PCDHGA10: variants seen among roughly 807,000 people sequenced by gnomAD.
PCDHGA10 encodes the protein protocadherin gamma subfamily A, 10.
A neutral mutation model predicts 59.5 loss-of-function variants in PCDHGA10; 42 were observed. That is an observed-to-expected ratio of 0.71 (90% CI 0.55 to 0.91). The LOEUF is 0.91. PCDHGA10 is among the 40% of genes least tolerant of loss of function. PCDHGA10 has a pLI of 0.00. For missense variants in PCDHGA10, 1,111 were observed against 1,198.2 expected, an observed-to-expected ratio of 0.93 and a Z score of 1.07; for synonymous variants, 511 against 517.2, an observed-to-expected ratio of 0.99 and a Z score of 0.16.
At chr5:141,420,268 T>C (rs375162019) in intron 1 of PCDHGA10, 254 of 1,543,666 alleles carry the variant, frequency 1.6e-4, no homozygotes, top group Non-Finnish European at 2.1e-4. Context: ...AGAAGATTCT[T>C]AAACAGGTAA....
At chr5:141,473,966 G>A (rs1268822103) in intron 1 of PCDHGA10, among the ~76,000 whole-genome samples, 3 of 152,174 alleles carry the variant, frequency 2.0e-5, no homozygotes, top group Non-Finnish European at 4.4e-5. Context: ...CTACTTAGAA[G>A]TCTGAGGCGG....
chr5:141,451,284 G>A (rs950768919), intron 1 of PCDHGA10, among the ~76,000 whole-genome samples: 1 of 152,186 alleles, frequency 6.6e-6, no homozygotes. Context: ...GAGTGCCTCT[G>A]CCTCAAAGTC....
intron 1 of PCDHGA10, among the ~76,000 whole-genome samples, chr5:141,445,544 T>C (rs1223868698): frequency 6.6e-6 from 1 of 152,126 alleles, no homozygotes; most frequent in Non-Finnish European, 1.5e-5. Context: ...CAAGGAGAAA[T>C]ACAAAAGCAC....
chr5:141,511,010 A>G lies in PCDHGA10; in HGVS notation c.2648A>G (p.Tyr883Cys), dbSNP rs1286219897. 6.2e-6 allele frequency: 10 copies of G among 1,614,054 alleles called. No homozygotes were observed. Among genetic ancestry groups the G allele is most frequent in the African/African-American group, 1.3e-5 (1 of 74,916 alleles). Residue 883 changes from tyrosine to cysteine, a missense_variant, in exon 4 of 4, where the codon TAC becomes TGC. By Grantham distance (194) the Tyr-to-Cys change is radical (BLOSUM62 -2). Coordinates refer to ENST00000398610, the MANE Select transcript of PCDHGA10 (RefSeq NM_018913.3). ...GGCACCATGGGATTGAGCGCCCGCT[A>G]CGGACCCCAGTTCACCCTGCAGCAC... Reference protein sequence around the residue: ...GAGTMGLSARYGPQFTLQHVP... With the variant: ...GAGTMGLSARCGPQFTLQHVP...
rs1024686607 is a variant in PCDHGA10, at chr5:141,487,597, T to C, written c.2437-7210T>C. 6.2e-7 allele frequency: 1 copy of C among 1,614,178 alleles called. No homozygotes were observed. The highest frequency in any genetic ancestry group is 8.5e-7 in the Non-Finnish European group (1 of 1,180,040). ...TTCGCCCAAGCTGCCCACCCTCTGA[T>C]CTTCTCTATGGGCTAGAGGTGAGAC... On this transcript the variant is annotated intron_variant, in intron 1 of 3. Coordinates refer to ENST00000398610, the MANE Select transcript of PCDHGA10 (RefSeq NM_018913.3). The surrounding 1 kb of genome is among the most constrained non-coding windows in gnomAD (Gnocchi z 5.0).
rs372245447 is a variant in PCDHGA10, at chr5:141,489,609, C to T, written c.2437-5198C>T. ...AGCTAATCCGTGTAGAGGTAGAGAT[C>T]CTGGATCTCAATGACAACTCTCCTA... On this transcript the variant is annotated intron_variant, in intron 1 of 3. Coordinates refer to ENST00000398610, the MANE Select transcript of PCDHGA10 (RefSeq NM_018913.3). This position sits in a 1 kb window ranked among gnomAD's most constrained non-coding sequence, Gnocchi z 4.5. The T allele has an allele frequency of 1.9e-6, 3 of 1,613,934 alleles. No homozygotes were observed. The African/African-American group carries it at 4.0e-5, about 22-fold the overall frequency.
intron 1 of PCDHGA10, among the ~76,000 whole-genome samples, chr5:141,444,497 C>G (rs899746599): frequency 3.3e-5 from 5 of 152,026 alleles, no homozygotes; most frequent in African/African-American, 1.2e-4. Context: ...TTGTGTAATA[C>G]TTTGCTCTAG....
Position 141,413,559 on chromosome 5 carries a change from T to A in PCDHGA10, c.384T>A (p.Thr128=). 1 of 1,613,862 alleles carries A rather than the reference T, an allele frequency of 6.2e-7. No homozygotes were observed. The change falls in exon 1 of 4, where the codon ACT becomes ACA. Residue 128 remains threonine, a synonymous_variant. Coordinates refer to ENST00000398610, the MANE Select transcript of PCDHGA10 (RefSeq NM_018913.3). ...VKLFGIEIEV[T]DINDNAPKFQ... The stretch of plus-strand genomic sequence containing the variant: ...TTTTTGGGATAGAAATAGAAGTAAC[T>A]GATATCAATGACAATGCTCCAAAAT...
chr5:141,431,790 C>T lies in PCDHGA10; in HGVS notation c.2436+16179C>T, dbSNP rs2097417829. On this transcript the variant is annotated intron_variant, in intron 1 of 3. Transcript: ENST00000398610. This position sits in a 1 kb window ranked among gnomAD's most constrained non-coding sequence, Gnocchi z 4.8. The stretch of plus-strand genomic sequence containing the variant: ...ACTGTTCTGGACGTGAACGACAATG[C>T]CCCAGAAGTGGTCCTCACCTCTCTC... 4.3e-6 allele frequency: 7 copies of T among 1,614,186 alleles called. No individual in the cohort carries two copies. The highest frequency in any genetic ancestry group is 5.9e-6 in the Non-Finnish European group (7 of 1,180,016).
At chr5:141,458,318 A>T (rs1420197662) in intron 1 of PCDHGA10, among the ~76,000 whole-genome samples, 1 of 152,128 alleles carries the variant, frequency 6.6e-6, no homozygotes, top group Non-Finnish European at 1.5e-5. Context: ...ACACAGACAC[A>T]TGTGGAGTGG....
chr5:141,418,126 A>G (rs2096226975), intron 1 of PCDHGA10: 3 of 1,613,994 alleles, frequency 1.9e-6, no homozygotes, highest in Non-Finnish European at 2.5e-6. Context: ...TGAAGGACCG[A>G]ATAGACCGTG....
intron 1 of PCDHGA10, among the ~76,000 whole-genome samples, chr5:141,492,337 C>T (rs559700346): frequency 1.0e-3 from 158 of 152,324 alleles, no homozygotes; most frequent in African/African-American, 3.7e-3. Flanking sequence ...TACGCGAATA[C>T]CAGCTTTCAC....
rs2099702455 is a variant in PCDHGA10, at chr5:141,490,641, G to C, written c.2437-4166G>C. 6.2e-7 allele frequency: 1 copy of C among 1,614,042 alleles called. No homozygotes were observed. Among genetic ancestry groups the C allele is most frequent in the Admixed American group, 1.7e-5 (1 of 60,004 alleles). On this transcript the variant is annotated intron_variant, in intron 1 of 3. Coordinates refer to ENST00000398610, the MANE Select transcript of PCDHGA10 (RefSeq NM_018913.3). The surrounding 1 kb of genome is among the most constrained non-coding windows in gnomAD (Gnocchi z 5.4). ...ACACTGCTTACATCCTAGAAAACCG[G>C]CCTCCGGGCTCCCTTCTTTGCACTG...
In PCDHGA10 at chr5:141,476,432, G is replaced by T; in HGVS notation, c.2437-18375G>T. 6.2e-7 allele frequency: 1 copy of T among 1,614,116 alleles called. No individual in the cohort carries two copies. The highest frequency in any genetic ancestry group is 8.5e-7 in the Non-Finnish European group (1 of 1,180,028). ...GTGTGGGACACTGCCCTCTTGCACT[G>T]TAACTCTGGAGTTGGTAGTGGAGAA... On this transcript the variant is annotated intron_variant, in intron 1 of 3. Coordinates refer to ENST00000398610, the MANE Select transcript of PCDHGA10 (RefSeq NM_018913.3). The surrounding 1 kb of genome is among the most constrained non-coding windows in gnomAD (Gnocchi z 7.6).
chr5:141,483,606 C>T (rs1460635551), intron 1 of PCDHGA10, among the ~76,000 whole-genome samples: 1 of 151,984 alleles, frequency 6.6e-6, no homozygotes, highest in Non-Finnish European at 1.5e-5. Flanking sequence ...CTGGTTTACA[C>T]CTCCATCATT....
intron 1 of PCDHGA10, among the ~76,000 whole-genome samples, chr5:141,484,170 A>G (rs962978452): frequency 6.6e-6 from 1 of 152,210 alleles, no homozygotes; most frequent in Non-Finnish European, 1.5e-5. Context: ...TTGGTAGCTG[A>G]TCTCAATCAT....
In PCDHGA10 at chr5:141,414,489, G is replaced by A. The variant is rs754325517; in HGVS notation, c.1314G>A (p.Thr438=). The part of the protein sequence containing the change: ...ATDGGSPPLS[T]EAHFMLQVAD... ...ATGGGGGAAGTCCTCCTCTATCAAC[G>A]GAAGCTCACTTTATGCTACAAGTGG... Residue 438 remains threonine (T), a synonymous_variant, in exon 1 of 4, where the codon ACG becomes ACA. Transcript: ENST00000398610. 33 of 1,613,754 alleles carry A rather than the reference G, an allele frequency of 2.0e-5. No homozygotes were observed. Among genetic ancestry groups the A allele is most frequent in the Middle Eastern group, 1.6e-4 (1 of 6,084 alleles).
At chr5:141,447,313 T>C (rs2098534296) in intron 1 of PCDHGA10, among the ~76,000 whole-genome samples, 1 of 152,146 alleles carries the variant, frequency 6.6e-6, no homozygotes, top group African/African-American at 2.4e-5. Context: ...CTAATTTTTG[T>C]ATTTTTAGTA....
chr5:141,413,822 T>G lies in PCDHGA10; in HGVS notation c.647T>G (p.Leu216Arg). 6.2e-7 allele frequency: 1 copy of G among 1,613,216 alleles called. No individual in the cohort carries two copies. Among genetic ancestry groups the G allele is most frequent in the Non-Finnish European group, 8.5e-7 (1 of 1,179,868 alleles). The stretch of plus-strand genomic sequence containing the variant: ...GAAGAGGCCATTCACCACCTGGTCC[T>G]CACCGCCTCCGACGGGGGTGACCCT... Reference protein sequence around the residue: ...REEEAIHHLVLTASDGGDPLR... With the variant: ...REEEAIHHLVRTASDGGDPLR... The change falls in exon 1 of 4, where the codon CTC (leucine) becomes CGC (arginine). Residue 216 changes from leucine (L) to arginine (R), a missense_variant. By Grantham distance (102) the Leu-to-Arg change is moderately radical. Coordinates refer to ENST00000398610, the MANE Select transcript of PCDHGA10 (RefSeq NM_018913.3).
Sources: gnomAD v4.1 joint callset for allele counts (sites outside exome capture counted in the v4.1 genomes callset) on GRCh38, gnomAD v4.1.1 for gene constraint, Gnocchi (gnomAD v3.1) non-coding constraint, MANE v1.5 for transcripts, NCBI Gene and HGNC (gene_info 2026-07-23, HGNC 2026-07-21) for gene names.